Variants in PTPRQ observed in about 807,000 individuals in gnomAD.
PTPRQ encodes protein tyrosine phosphatase receptor type Q, also known as phosphatidylinositol phosphatase PTPRQ.
Under a neutral mutation model 246.0 loss-of-function variants are expected in PTPRQ, and 199 were observed. That is an observed-to-expected ratio of 0.81 (90% CI 0.72 to 0.91). The LOEUF is 0.91. Ranked by LOEUF, PTPRQ falls within the 40% of genes least tolerant of loss-of-function variation. The pLI is 0.00. For missense variants in PTPRQ, 2,624 were observed against 2,528.4 expected, an observed-to-expected ratio of 1.04 and a Z score of -0.81; for synonymous variants, 869 against 853.2, an observed-to-expected ratio of 1.02 and a Z score of -0.32.
At chr12:80,668,563 C>G (rs1900861402) in intron 39 of PTPRQ, among the ~76,000 whole-genome samples, 1 of 151,804 alleles carries the variant, frequency 6.6e-6, no homozygotes, top group African/African-American at 2.4e-5. Context: ...GCTCAACCTG[C>G]CTTACCAATT....
rs11503523 is a variant in PTPRQ at position 80,463,671 on chromosome 12, G to A, written c.910+2769G>A. ...CCATCAGACTAACAGTGGATCTCTC[G>A]GCAGAAACCCTAGAAGCCAGAAGAG... On this transcript the variant is annotated intron_variant, in intron 6 of 44. Transcript: ENST00000644991. 5.7e-3 allele frequency among the ~76,000 whole-genome samples: 865 copies of A among 151,798 alleles called. 8 individuals carry two copies. The highest frequency in any genetic ancestry group is 0.019 in the African/African-American group (779 of 41,252).
chr12:80,490,759 G>T (rs1894422242), intron 9 of PTPRQ, among the ~76,000 whole-genome samples: 1 of 151,858 alleles, frequency 6.6e-6, no homozygotes, highest in Non-Finnish European at 1.5e-5. Flanking sequence ...TTTAGGTGTT[G>T]CAATGGACTT....
chr12:80,491,074 T>C (rs940447426), intron 9 of PTPRQ, among the ~76,000 whole-genome samples: 2 of 151,902 alleles, frequency 1.3e-5, no homozygotes, highest in African/African-American at 4.8e-5. Context: ...GTCATTCACA[T>C]AGTCAAAAGC....
chr12:80,449,543 G>A (rs931156993), intron 3 of PTPRQ, among the ~76,000 whole-genome samples: 2 of 151,942 alleles, frequency 1.3e-5, no homozygotes, highest in East Asian at 1.9e-4. Flanking sequence ...ATCTTGAATT[G>A]ATTTTTGTAT....
chr12:80,549,367 G>T (rs1896400238), intron 24 of PTPRQ, 98 bp from the exon 25 acceptor site: 1 of 1,359,330 alleles, frequency 7.4e-7, no homozygotes, highest in African/African-American at 1.5e-5. Context: ...TATTTTTCTA[G>T]TTCTAAACAC....
At chr12:80,661,110 G>T (rs1032597285) in intron 39 of PTPRQ, among the ~76,000 whole-genome samples, 2 of 151,602 alleles carry the variant, frequency 1.3e-5, no homozygotes, top group East Asian at 1.9e-4. Context: ...AAACACACAT[G>T]CATGTTTATA....
At chr12:80,594,574 T>C (rs1319352496) in intron 26 of PTPRQ, among the ~76,000 whole-genome samples, 1 of 152,128 alleles carries the variant, frequency 6.6e-6, no homozygotes, top group Non-Finnish European at 1.5e-5. Context: ...CATAGACATC[T>C]CAAACTCCAT....
intron 6 of PTPRQ, among the ~76,000 whole-genome samples, chr12:80,463,934 C>T (rs1271093682): frequency 3.3e-5 from 5 of 151,648 alleles, no homozygotes; most frequent in East Asian, 1.9e-4. Context: ...TAAAGACCAT[C>T]GAGACTAAGA....
At chr12:80,554,785 G>A (rs561951148) in intron 25 of PTPRQ, among the ~76,000 whole-genome samples, 15 of 152,008 alleles carry the variant, frequency 9.9e-5, no homozygotes, top group South Asian at 4.1e-4. Flanking sequence ...CTATGTCACC[G>A]AGGCTGGAGT....
At chr12:80,669,307 C>T (rs557800968) in intron 40 of PTPRQ, 32 bp from the exon 41 acceptor site, 77 of 1,545,896 alleles carry the variant, frequency 5.0e-5, no homozygotes, top group Middle Eastern at 1.7e-4. Context: ...ATAACAATGA[C>T]GCTTATGACT....
At chr12:80,582,540 T>C (rs1377474224) in intron 25 of PTPRQ, among the ~76,000 whole-genome samples, 1 of 152,152 alleles carries the variant, frequency 6.6e-6, no homozygotes. Context: ...TCTTTTGCCC[T>C]CTTTCTGCTA....
intron 39 of PTPRQ, among the ~76,000 whole-genome samples, chr12:80,667,871 A>G (rs775013757): frequency 3.3e-5 from 5 of 151,912 alleles, no homozygotes; most frequent in Non-Finnish European, 4.4e-5. Flanking sequence ...GACTGGAAAG[A>G]CAGAAAAGCT....
At chr12:80,454,476 T>C in intron 3 of PTPRQ, 1 of 701,902 alleles carries the variant, frequency 1.4e-6, no homozygotes, top group South Asian at 1.5e-5. Context: ...TCTTGCTTGA[T>C]CGCTCTGGCT....
chr12:80,463,548 T>A (rs1468415456), intron 6 of PTPRQ, among the ~76,000 whole-genome samples: 1 of 151,932 alleles, frequency 6.6e-6, no homozygotes, highest in Non-Finnish European at 1.5e-5. Flanking sequence ...GAAGAGCAAC[T>A]CTAAGACACA....
At chr12:80,460,261 G>C (rs887356578) in intron 5 of PTPRQ, among the ~76,000 whole-genome samples, 2 of 152,038 alleles carry the variant, frequency 1.3e-5, no homozygotes, top group African/African-American at 4.8e-5. Flanking sequence ...CTACTTTTTA[G>C]TACTTATGAG....
chr12:80,605,489 A>G (rs751378772), intron 27 of PTPRQ, among the ~76,000 whole-genome samples: 2 of 151,266 alleles, frequency 1.3e-5, no homozygotes, highest in Non-Finnish European at 3.0e-5. Flanking sequence ...ATATATATGT[A>G]TGTATATATA....
intron 20 of PTPRQ, among the ~76,000 whole-genome samples, chr12:80,540,185 G>A (rs560981599): frequency 5.9e-5 from 9 of 152,016 alleles, no homozygotes; most frequent in Admixed American, 2.6e-4. Context: ...AAAAGATGTC[G>A]TGGCCATCCA....
chr12:80,622,380 C>T lies in PTPRQ; in HGVS notation c.5686+246C>T, dbSNP rs566159355. ...AACTATCCTTTAAGTTAGGTCAGTG[C>T]TTCTCAGAGGGATTTTATACCCCAG... On this transcript the variant is annotated intron_variant, in intron 33 of 44. Transcript: ENST00000644991. Among the ~76,000 whole-genome samples the T allele has an allele frequency of 2.6e-5, 4 of 152,046 alleles. No homozygotes were observed. The East Asian group carries it at 5.8e-4, about 22-fold the overall frequency.
intron 43 of PTPRQ, among the ~76,000 whole-genome samples, chr12:80,675,529 G>A (rs1295866075): frequency 3.9e-5 from 6 of 152,092 alleles, no homozygotes. Flanking sequence ...TGAAATTAAG[G>A]GTTTGCTCTC....
Sources: allele counts gnomAD v4.1 joint callset (sites outside exome capture counted in the v4.1 genomes callset), GRCh38; gene constraint gnomAD v4.1.1; transcripts MANE v1.5; gene names NCBI Gene and HGNC (gene_info 2026-07-23, HGNC 2026-07-21).